The following KIAA1755 variants were observed in gnomAD, a reference collection of about 807,000 sequenced individuals.
KIAA1755 encodes the protein uncharacterized protein KIAA1755.
KIAA1755 carries 68 observed loss-of-function variants against 91.7 expected under a neutral mutation model. The observed-to-expected ratio is 0.74, with a 90% CI of 0.61 to 0.91. The LOEUF (loss-of-function observed/expected upper bound fraction) is 0.91, where lower values mean the gene tolerates loss of function less well. Ranked by LOEUF, KIAA1755 falls within the 40% of genes least tolerant of loss-of-function variation. The pLI is 0.00. For missense variants in KIAA1755, 1,535 were observed against 1,494.4 expected, an observed-to-expected ratio of 1.03 and a Z score of -0.45; for synonymous variants, 610 against 604.6, an observed-to-expected ratio of 1.01 and a Z score of -0.13.
chr20:38,253,025 A>G (rs558919761), intron 1 of KIAA1755, among the ~76,000 whole-genome samples: 8 of 152,190 alleles, frequency 5.3e-5, no homozygotes, highest in Middle Eastern at 3.4e-3. Flanking sequence ...CATGAAACTT[A>G]ATAGATGTGT....
At chr20:38,232,969 A>T (rs2075895842) in intron 4 of KIAA1755, among the ~76,000 whole-genome samples, 1 of 152,082 alleles carries the variant, frequency 6.6e-6, no homozygotes. Context: ...AATTAAAAAA[A>T]TAATTAGCCA....
Position 38,211,954 on chromosome 20 carries a change from G to T in KIAA1755, c.*1088C>A, listed in dbSNP as rs948297549. On this transcript the variant is annotated 3_prime_UTR_variant, in exon 14 of 14. Transcript: ENST00000279024. Reference sequence around the variant, plus strand: ...CTCTGGATGCCTCACGCCTCAGGGGGTGTTCAAGGATTCCATGCTGTCTTT... The same window carrying T: ...CTCTGGATGCCTCACGCCTCAGGGGTTGTTCAAGGATTCCATGCTGTCTTT... 1 of 152,216 alleles carries T rather than the reference G, an allele frequency of 6.6e-6. No homozygotes were observed. The highest frequency in any genetic ancestry group is 6.5e-5 in the Admixed American group (1 of 15,286). 9.4% of individuals were successfully genotyped at this position (152,216 alleles called of 1,614,324 possible).
chr20:38,254,935 G>A (rs2076314183), intron 1 of KIAA1755, among the ~76,000 whole-genome samples: 1 of 152,144 alleles, frequency 6.6e-6, no homozygotes, highest in African/African-American at 2.4e-5. Flanking sequence ...CCAGTACTTT[G>A]GGAGGCTGAG....
rs554976683 is a variant in KIAA1755 at position 38,211,098 on chromosome 20, C to T, written c.*1944G>A. Reference sequence around the variant, plus strand: ...CTATTTTAATGTCTGGGGTAGGATTCCCTAGGAAGCCTTTTGACCGGCTCT... The same window carrying T: ...CTATTTTAATGTCTGGGGTAGGATTTCCTAGGAAGCCTTTTGACCGGCTCT... On this transcript the variant is annotated 3_prime_UTR_variant, in exon 14 of 14. Coordinates refer to ENST00000279024, the MANE Select transcript of KIAA1755 (RefSeq NM_001029864.2). 1 of 152,320 alleles carries T rather than the reference C, an allele frequency of 6.6e-6. No individual in the cohort carries two copies. The highest frequency in any genetic ancestry group is 6.5e-5 in the Admixed American group (1 of 15,304). 9.4% of individuals were successfully genotyped at this position (152,320 alleles called of 1,614,324 possible).
At chr20:38,245,225 C>G (rs547555458) in intron 2 of KIAA1755, among the ~76,000 whole-genome samples, 58 of 152,278 alleles carry the variant, frequency 3.8e-4, no homozygotes, top group Non-Finnish European at 7.2e-4. Flanking sequence ...TTATTTTCCT[C>G]TCTAGGATAG....
At chr20:38,214,242 C>T (rs1425217996) in intron 13 of KIAA1755, among the ~76,000 whole-genome samples, 26 of 152,176 alleles carry the variant, frequency 1.7e-4, no homozygotes, top group African/African-American at 4.6e-4. Flanking sequence ...TGACCCACTG[C>T]GCCCAGCCCA....
intron 1 of KIAA1755, among the ~76,000 whole-genome samples, chr20:38,252,250 T>TA (rs2076263096): frequency 6.6e-6 from 1 of 152,192 alleles, no homozygotes; most frequent in South Asian, 2.1e-4. Flanking sequence ...TATTCATTCT[T>TA]ACTTATTTTC....
intron 10 of KIAA1755, among the ~76,000 whole-genome samples, chr20:38,220,178 C>T (rs1181107409): frequency 1.3e-5 from 2 of 152,172 alleles, no homozygotes; most frequent in African/African-American, 4.8e-5. Context: ...GATCTAACGC[C>T]CTGGCCCTCA....
chr20:38,260,590 C>G lies in KIAA1755; in HGVS notation c.-90G>C, dbSNP rs1226922483. ...GGGTCCGTCTGTCTGGGGCAGCCCT[C>G]GGTCCCGCCTAGCCCTGGAGCCAGG... On this transcript the variant is annotated 5_prime_UTR_variant, in exon 1 of 14. Coordinates refer to ENST00000279024, the MANE Select transcript of KIAA1755 (RefSeq NM_001029864.2). The G allele has an allele frequency of 3.5e-6, 5 of 1,448,312 alleles. No individual in the cohort carries two copies. In the African/African-American group the frequency reaches 7.2e-5, roughly 21 times the overall value. The allele number at this position is 1,448,312 out of a possible 1,614,324, so 89.7% of individuals were successfully genotyped here. A position where few individuals can be genotyped will look rare whatever the true frequency, so the allele number is the denominator to read the frequency against.
intron 10 of KIAA1755, among the ~76,000 whole-genome samples, chr20:38,220,953 T>A (rs1255452100): frequency 6.6e-6 from 1 of 152,108 alleles, no homozygotes; most frequent in Non-Finnish European, 1.5e-5. Flanking sequence ...TCAGGCATGG[T>A]GATATTTGTG....
chr20:38,240,420 G>A (rs2076034679), intron 3 of KIAA1755, among the ~76,000 whole-genome samples, 162 bp downstream of exon 3: 2 of 152,212 alleles, frequency 1.3e-5, no homozygotes, highest in Admixed American at 6.5e-5. Flanking sequence ...CTCAATTCCA[G>A]ACACATGAGA....
At position 38,213,581 on chromosome 20, in the gene KIAA1755, C is replaced by T. The variant is rs749075281; in HGVS notation, c.3064G>A (p.Ala1022Thr). 20 of 1,607,000 alleles carry T rather than the reference C, an allele frequency of 1.2e-5. No homozygotes were observed. Among genetic ancestry groups the T allele is most frequent in the Non-Finnish European group, 1.7e-5 (20 of 1,176,406 alleles). Reference sequence around the variant, plus strand: ...CCCAGGCCTGCCCGGCTCAGGGAGGCCACCTGCAGCCCCACGGCTGCGAGC... The same window carrying T: ...CCCAGGCCTGCCCGGCTCAGGGAGGTCACCTGCAGCCCCACGGCTGCGAGC... ...EKLAAVGLQV[A>T]SLSRAGLGQE... Residue 1022 changes from alanine to threonine, a missense_variant, in exon 14 of 14, where the codon GCC (alanine) becomes ACC (threonine). Ala to Thr is a moderately conservative substitution (Grantham distance 58). Coordinates refer to ENST00000279024, the MANE Select transcript of KIAA1755 (RefSeq NM_001029864.2).
chr20:38,222,656 A>G (rs574338841), intron 9 of KIAA1755, 59 bp from the exon 10 acceptor site: 4 of 1,562,482 alleles, frequency 2.6e-6, no homozygotes, highest in South Asian at 2.3e-5. Flanking sequence ...GCAACCTTCC[A>G]AGGCTCCCCA....
chr20:38,217,344 A>G lies in KIAA1755; in HGVS notation c.2810T>C (p.Phe937Ser). 2 of 1,612,844 alleles carry G rather than the reference A, an allele frequency of 1.2e-6. No homozygotes were observed. Among genetic ancestry groups the G allele is most frequent in the South Asian group, 2.2e-5 (2 of 90,678 alleles). The change falls in exon 13 of 14, where the codon TTC becomes TCC. Residue 937 changes from phenylalanine to serine, a missense_variant. By Grantham distance (155) the Phe-to-Ser change is radical. Coordinates refer to ENST00000279024, the MANE Select transcript of KIAA1755 (RefSeq NM_001029864.2). ...LAAFASTQRA[F>S]QAELTHFYMA... ...GTAAAAGTGGGTCAGCTCAGCCTGGAAGGCCCGCTGGGTAGAGGCAAAGGC... is the reference window on the plus strand; with the variant it reads ...GTAAAAGTGGGTCAGCTCAGCCTGGGAGGCCCGCTGGGTAGAGGCAAAGGC...
intron 13 of KIAA1755, 109 bp downstream of exon 13, chr20:38,217,144 C>T (rs964127639): frequency 6.3e-5 from 57 of 906,808 alleles, no homozygotes; most frequent in East Asian, 1.6e-4. Context: ...GGGATGGGGG[C>T]GGTGTCTATG....
chr20:38,219,841 G>T (rs1025876132), intron 10 of KIAA1755, 73 bp from the exon 11 acceptor site: 2 of 1,558,930 alleles, frequency 1.3e-6, no homozygotes, highest in South Asian at 1.2e-5. Context: ...TCCCGCATAG[G>T]CCTGCCCCTC....
intron 4 of KIAA1755, among the ~76,000 whole-genome samples, chr20:38,238,151 C>T (rs1209245): frequency 0.35 from 53,284 of 151,964 alleles, 9,444 homozygotes; most frequent in Middle Eastern, 0.5. Flanking sequence ...ACAAAGGTCA[C>T]CTTCCTCCCA....
chr20:38,243,545 T>G (rs2076104318), intron 2 of KIAA1755, among the ~76,000 whole-genome samples: 2 of 152,244 alleles, frequency 1.3e-5, no homozygotes, highest in African/African-American at 4.8e-5. Flanking sequence ...CTCAGTTTGA[T>G]GTAGGCAGTC....
chr20:38,246,442 G>A lies in KIAA1755; in HGVS notation c.4-316C>T, dbSNP rs147147254. On this transcript the variant is annotated intron_variant, in intron 1 of 13. Coordinates refer to ENST00000279024, the MANE Select transcript of KIAA1755 (RefSeq NM_001029864.2). The stretch of plus-strand genomic sequence containing the variant: ...ATGTCATCTGCTGATCCACGGAGAC[G>A]TGGAGGAATAGGGGTGGGGGGTGGG... Among the ~76,000 whole-genome samples the A allele has an allele frequency of 3.9e-3, 567 of 146,120 alleles. 8 individuals carry two copies. Among genetic ancestry groups the A allele is most frequent in the African/African-American group, 0.013 (538 of 40,370 alleles).
Sources: allele counts gnomAD v4.1 joint callset (sites outside exome capture counted in the v4.1 genomes callset), GRCh38; gene constraint gnomAD v4.1.1; transcripts MANE v1.5; gene names NCBI Gene and HGNC (gene_info 2026-07-23, HGNC 2026-07-21).